The following MAPKAP1 variants were observed in gnomAD, a reference collection of about 807,000 sequenced individuals.
MAPKAP1 encodes the protein target of rapamycin complex 2 subunit MAPKAP1.
A neutral mutation model predicts 65.7 loss-of-function variants in MAPKAP1; 20 were observed. The ratio of observed to expected loss-of-function variants is 0.30; its 90% CI spans 0.21 to 0.44. MAPKAP1 has a LOEUF of 0.44. MAPKAP1 is among the 20% of genes least tolerant of loss of function. The pLI is 1.00. For synonymous variants in MAPKAP1, 222 were observed against 244.3 expected, an observed-to-expected ratio of 0.91 and a Z score of 0.85; for missense variants, 423 against 648.0, an observed-to-expected ratio of 0.65 and a Z score of 3.77.
At chr9:125,570,632 T>G (rs1831200095) in intron 5 of MAPKAP1, among the ~76,000 whole-genome samples, 1 of 152,180 alleles carries the variant, frequency 6.6e-6, no homozygotes. Flanking sequence ...CTGAAATAAT[T>G]TTACATGCAA....
intron 7 of MAPKAP1, among the ~76,000 whole-genome samples, chr9:125,541,748 C>T (rs571583500): frequency 1.3e-5 from 2 of 152,316 alleles, no homozygotes; most frequent in East Asian, 1.9e-4. Flanking sequence ...TCCCAGCTAA[C>T]GACTTGTTCA....
At position 125,438,892 on chromosome 9, in the gene MAPKAP1, G is replaced by A. The variant is rs1173995767; in HGVS notation, c.1564C>T (p.Gln522Ter). Residue 522 changes from glutamine (Q) to a stop codon, truncating the protein, a stop_gained, in exon 12 of 12, where the codon CAG (glutamine) becomes TAG (stop). Coordinates refer to ENST00000265960, the MANE Select transcript of MAPKAP1 (RefSeq NM_001006617.3). LOFTEE classifies it high-confidence loss of function. The part of the protein sequence containing the change: ...SFQKEKKSGQ[Q>*] ...ATTGAGGCTGGAGGCCAGTGTCACT[G>A]CTGCCCGGATTTCTTCTCCTTCTGG... is the stretch of plus-strand genomic sequence containing the variant. The A allele has an allele frequency of 5.0e-6, 8 of 1,614,072 alleles. No individual in the cohort carries two copies. The highest frequency in any genetic ancestry group is 6.8e-6 in the Non-Finnish European group (8 of 1,180,028).
chr9:125,444,191 A>G (rs1321190699), intron 11 of MAPKAP1, among the ~76,000 whole-genome samples: 6 of 152,278 alleles, frequency 3.9e-5, no homozygotes, highest in Admixed American at 2.6e-4. Flanking sequence ...TGGTTGCAGG[A>G]AAATAAACAG....
chr9:125,583,846 G>C (rs939990133), intron 5 of MAPKAP1, among the ~76,000 whole-genome samples: 45 of 152,294 alleles, frequency 3.0e-4, no homozygotes, highest in Non-Finnish European at 5.1e-4. Context: ...GGTGGATCAC[G>C]AGGTCAGGAG....
intron 5 of MAPKAP1, among the ~76,000 whole-genome samples, chr9:125,582,577 TA>T (rs1355929217): frequency 6.6e-6 from 1 of 152,194 alleles, no homozygotes; most frequent in Admixed American, 6.5e-5. Flanking sequence ...GTTCCTGTAA[TA>T]CTAGGGATAA....
At chr9:125,706,652 T>C (rs1835769751) in intron 1 of MAPKAP1, among the ~76,000 whole-genome samples, 1 of 151,868 alleles carries the variant, frequency 6.6e-6, no homozygotes, top group South Asian at 2.1e-4. Flanking sequence ...AAAACCTTGA[T>C]TTTCACATTA....
intron 1 of MAPKAP1, among the ~76,000 whole-genome samples, chr9:125,696,977 A>C (rs1221865674): frequency 6.6e-6 from 1 of 152,224 alleles, no homozygotes; most frequent in Non-Finnish European, 1.5e-5. Flanking sequence ...CAGAGATAGG[A>C]GTGGACTCCC....
intron 10 of MAPKAP1, among the ~76,000 whole-genome samples, chr9:125,453,575 A>G (rs985090196): frequency 3.9e-5 from 6 of 152,270 alleles, no homozygotes; most frequent in African/African-American, 1.4e-4. Context: ...ACTGAACTTG[A>G]TAAATGGTAT....
intron 7 of MAPKAP1, among the ~76,000 whole-genome samples, chr9:125,527,617 C>T (rs1036937351): frequency 6.6e-6 from 1 of 152,160 alleles, no homozygotes; most frequent in Admixed American, 6.6e-5. Flanking sequence ...TGTGCACTCT[C>T]TCTCTCTTTC....
chr9:125,508,160 T>C (rs1434116802), intron 7 of MAPKAP1, among the ~76,000 whole-genome samples: 1 of 152,144 alleles, frequency 6.6e-6, no homozygotes, highest in East Asian at 1.9e-4. Flanking sequence ...AGAGAATCCC[T>C]GTGTCTCTTG....
intron 4 of MAPKAP1, among the ~76,000 whole-genome samples, chr9:125,594,324 T>C (rs1296929015): frequency 6.6e-6 from 1 of 152,224 alleles, no homozygotes; most frequent in East Asian, 1.9e-4. Flanking sequence ...GTTAATGCCC[T>C]TTGCAATCTG....
chr9:125,620,618 C>A (rs1324708238), intron 4 of MAPKAP1, among the ~76,000 whole-genome samples: 2 of 152,254 alleles, frequency 1.3e-5, no homozygotes, highest in East Asian at 3.9e-4. Context: ...TCTTCACCGA[C>A]AGAGAATTAG....
chr9:125,672,631 C>T lies in MAPKAP1; in HGVS notation c.-57G>A, dbSNP rs1407974149. On this transcript the variant is annotated 5_prime_UTR_variant, in exon 2 of 12. In the 5' UTR this introduces an upstream ATG that the reference lacks. Transcript: ENST00000265960. ...ATTTTCTCCTCTTCATATTGTTTCA[C>T]GAGCTCACCTACCTAGAAACATGAT... 12 of 1,573,074 alleles carry T rather than the reference C, an allele frequency of 7.6e-6. No individual in the cohort carries two copies. Among genetic ancestry groups the T allele is most frequent in the African/African-American group, 4.0e-5 (3 of 74,256 alleles).
At chr9:125,618,341 C>CAAAAAAAAAAAAAAAAAAAAA (rs60166871) in intron 4 of MAPKAP1, among the ~76,000 whole-genome samples, 1 of 31,192 alleles carries the variant, frequency 3.2e-5, no homozygotes, top group Non-Finnish European at 5.3e-5. Flanking sequence ...GGCTCCGTCT[C>CAAAAAAAAAAAAAAAAAAAAA]AAAAAAAAAA....
rs1830834121 is a variant in MAPKAP1 at position 125,559,617 on chromosome 9, T to C, written c.848+16A>G. 5.6e-6 allele frequency: 9 copies of C among 1,599,314 alleles called. No individual in the cohort carries two copies. The highest frequency in any genetic ancestry group is 1.3e-5 in the African/African-American group (1 of 74,550). On this transcript the variant is annotated intron_variant, in intron 6 of 11. Coordinates refer to ENST00000265960, the MANE Select transcript of MAPKAP1 (RefSeq NM_001006617.3). Reference sequence around the variant, plus strand: ...TGGGATGAGATACCGAGAGAAGTAATAGAGTCAGTACTCACATTCGAACAA... The same window carrying C: ...TGGGATGAGATACCGAGAGAAGTAACAGAGTCAGTACTCACATTCGAACAA...
intron 4 of MAPKAP1, among the ~76,000 whole-genome samples, chr9:125,599,604 CTTTTT>C (rs72065538): frequency 1.6e-5 from 2 of 126,466 alleles, no homozygotes; most frequent in Admixed American, 8.1e-5. Flanking sequence ...ATGTAAGTCC[CTTTTT>C]TTTTTTTTTT....
At position 125,447,722 on chromosome 9, in the gene MAPKAP1, A is replaced by C. The variant is rs1852770983; in HGVS notation, c.1346-3124T>G. 6.6e-6 allele frequency among the ~76,000 whole-genome samples: 1 copy of C among 152,176 alleles called. No individual in the cohort carries two copies. Among genetic ancestry groups the C allele is most frequent in the South Asian group, 2.1e-4 (1 of 4,824 alleles). On this transcript the variant is annotated intron_variant, in intron 10 of 11. Coordinates refer to ENST00000265960, the MANE Select transcript of MAPKAP1 (RefSeq NM_001006617.3). The surrounding 1 kb of genome is among the most constrained non-coding windows in gnomAD (Gnocchi z 4.5). ...TGATGAGCGTGAAGAAGGTAAACGCAGGGAGCTGCCGTGGAGACACCAAGG... is the reference window on the plus strand; with the variant it reads ...TGATGAGCGTGAAGAAGGTAAACGCCGGGAGCTGCCGTGGAGACACCAAGG...
chr9:125,678,755 A>C (rs982427452), intron 1 of MAPKAP1, among the ~76,000 whole-genome samples: 34 of 152,174 alleles, frequency 2.2e-4, no homozygotes, highest in Admixed American at 5.2e-4. Context: ...AATAATTTTT[A>C]CTAGGTTTTG....
chr9:125,577,610 G>GT (rs1554825223), intron 5 of MAPKAP1, among the ~76,000 whole-genome samples: 2 of 81,814 alleles, frequency 2.4e-5, no homozygotes, highest in Non-Finnish European at 5.3e-5. Flanking sequence ...CGGGAGGGAG[G>GT]TGGGGGGGGT....
Sources: allele counts gnomAD v4.1 joint callset (sites outside exome capture counted in the v4.1 genomes callset), GRCh38; gene constraint gnomAD v4.1.1; non-coding constraint Gnocchi (gnomAD v3.1); transcripts MANE v1.5; gene names NCBI Gene and HGNC (gene_info 2026-07-23, HGNC 2026-07-21).